Variants in CMTR1 observed in about 807,000 individuals in gnomAD.
The protein encoded by CMTR1 is cap methyltransferase 1.
In CMTR1, 39 loss-of-function variants were observed where a neutral mutation model predicts 107.0. The ratio of observed to expected loss-of-function variants is 0.36; its 90% CI spans 0.28 to 0.48. The LOEUF is 0.48. Among genes scored for constraint, CMTR1 ranks in the 20% least tolerant of loss-of-function variants. The pLI, the probability that CMTR1 is intolerant of heterozygous loss-of-function variation, is 0.99. For missense variants in CMTR1, 672 were observed against 1,064.9 expected (o/e 0.63, Z 5.14); for synonymous variants, 366 against 379.5 (o/e 0.96, Z 0.41).
At chr6:37,469,022 G>A (rs1309938739) in intron 13 of CMTR1, among the ~76,000 whole-genome samples, 6 of 152,184 alleles carry the variant, frequency 3.9e-5, no homozygotes, top group Admixed American at 2.6e-4. Flanking sequence ...TGGCCAACAT[G>A]GCAAAACTCC....
chr6:37,451,281 A>G (rs1380189979), intron 5 of CMTR1, among the ~76,000 whole-genome samples: 1 of 152,164 alleles, frequency 6.6e-6, no homozygotes, highest in Non-Finnish European at 1.5e-5. Flanking sequence ...ACCTGAGACC[A>G]AAGAGATTGA....
intron 2 of CMTR1, among the ~76,000 whole-genome samples, chr6:37,439,535 C>T (rs926499654): frequency 6.6e-6 from 1 of 152,170 alleles, no homozygotes; most frequent in African/African-American, 2.4e-5. Context: ...GAAACACCAT[C>T]GCTTTCCTGT....
chr6:37,435,702 C>G lies in CMTR1; in HGVS notation c.73C>G (p.Leu25Val), dbSNP rs753829878. The G allele has an allele frequency of 2.6e-5, 41 of 1,604,026 alleles. No individual in the cohort carries two copies. The highest frequency in any genetic ancestry group is 3.2e-5 in the Non-Finnish European group (38 of 1,176,288). Reference sequence around the variant, plus strand: ...GAAAAAAAGAGTTGCAGAGCTTGCCCTGAGCCTCAGCTCCACGTCCGATGA... The same window carrying G: ...GAAAAAAAGAGTTGCAGAGCTTGCCGTGAGCCTCAGCTCCACGTCCGATGA... ...KQKKRVAELA[L>V]SLSSTSDDEP... Residue 25 changes from leucine (L) to valine (V), a missense_variant, in exon 2 of 24, where the codon CTG becomes GTG. Leu to Val is a conservative substitution (Grantham distance 32). Transcript: ENST00000373451.
rs1353471598 is a variant in CMTR1, at chr6:37,461,534, G to T, written c.1096-15G>T. The T allele has an allele frequency of 6.7e-7, 1 of 1,501,974 alleles. No individual in the cohort carries two copies. Among genetic ancestry groups the T allele is most frequent in the African/African-American group, 1.4e-5 (1 of 71,544 alleles). 93.0% of individuals were successfully genotyped at this position (1,501,974 alleles called of 1,614,324 possible). ...TTTTCTCTTTCCCACCCCATTCCTT[G>T]TGCTCTCATTTCAGGGTTTCTCGGT... is the stretch of plus-strand genomic sequence containing the variant. On this transcript the variant is annotated splice_polypyrimidine_tract_variant and intron_variant, in intron 10 of 23. Coordinates refer to ENST00000373451, the MANE Select transcript of CMTR1 (RefSeq NM_015050.3).
At chr6:37,435,334 G>A (rs536166137) in intron 1 of CMTR1, among the ~76,000 whole-genome samples, 59 of 152,300 alleles carry the variant, frequency 3.9e-4, no homozygotes, top group African/African-American at 1.4e-3. Context: ...ATCCCCCAGT[G>A]GCTTGTGGAG....
chr6:37,457,307 A>G (rs1404190316), intron 8 of CMTR1, among the ~76,000 whole-genome samples: 2 of 151,778 alleles, frequency 1.3e-5, no homozygotes, highest in Non-Finnish European at 2.9e-5. Flanking sequence ...TCAAATGATG[A>G]TTAGTCAGTC....
intron 13 of CMTR1, among the ~76,000 whole-genome samples, chr6:37,467,569 TTAAC>T (rs765303017): frequency 5.3e-5 from 8 of 152,344 alleles, no homozygotes; most frequent in East Asian, 3.8e-4. Flanking sequence ...GTTAAAGTCT[TTAAC>T]TATGATTATT....
chr6:37,465,443 G>A (rs1191871012), intron 13 of CMTR1, among the ~76,000 whole-genome samples: 1 of 152,096 alleles, frequency 6.6e-6, no homozygotes, highest in East Asian at 1.9e-4. Flanking sequence ...GTTTCAATAT[G>A]TATTTCTGTG....
In CMTR1 at chr6:37,480,179, C is replaced by G; in HGVS notation, c.*34C>G. 1 of 1,595,010 alleles carries G rather than the reference C, an allele frequency of 6.3e-7. No homozygotes were observed. The highest frequency in any genetic ancestry group is 8.5e-7 in the Non-Finnish European group (1 of 1,172,334). ...GAATGTGCCACCCCTGCAGAATGCC[C>G]TGTCATTCCTGAGATGGGGCCACCT... is the stretch of plus-strand genomic sequence containing the variant. On this transcript the variant is annotated 3_prime_UTR_variant, in exon 24 of 24. Coordinates refer to ENST00000373451, the MANE Select transcript of CMTR1 (RefSeq NM_015050.3).
rs142246031 is a variant in CMTR1 at position 37,478,409 on chromosome 6, G to T, written c.2154G>T (p.Arg718Ser). Residue 718 changes from arginine to serine, a missense_variant and splice_region_variant, in exon 22 of 24, where the codon AGG (arginine) becomes AGT (serine). Arg to Ser is a moderately radical substitution (Grantham distance 110, BLOSUM62 -1). This residue lies in a region of CMTR1 where 583 missense variants were observed against 968.4 expected (regional missense o/e 0.60). Coordinates refer to ENST00000373451, the MANE Select transcript of CMTR1 (RefSeq NM_015050.3). ...RLEEMEKIFV[R>S]LEMKIIKGSS... ...GCACGTACCTTCTCGGGGAAATCAG[G>T]TTGGAGATGAAGATCATCAAGGGCT... 1.2e-6 allele frequency: 2 copies of T among 1,613,162 alleles called. No individual in the cohort carries two copies. Among genetic ancestry groups the T allele is most frequent in the Non-Finnish European group, 1.7e-6 (2 of 1,179,144 alleles).
the CMTR1 span, among the ~76,000 whole-genome samples, chr6:37,426,870 T>G: frequency 6.6e-6 from 1 of 152,118 alleles, no homozygotes; most frequent in South Asian, 2.1e-4. Context: ...CCTTTAAATC[T>G]CCAGGAGTCA....
the CMTR1 span, among the ~76,000 whole-genome samples, chr6:37,428,011 A>AG: frequency 3.0e-5 from 1 of 32,862 alleles, no homozygotes; most frequent in African/African-American, 1.7e-4. Context: ...ACAGAGACAG[A>AG]GAGAGAGAGA....
rs1159615360 is a variant in CMTR1, at chr6:37,435,717, A to G, written c.88A>G (p.Thr30Ala). The G allele has an allele frequency of 2.5e-6, 4 of 1,602,704 alleles. No homozygotes were observed. The highest frequency in any genetic ancestry group is 3.4e-6 in the Non-Finnish European group (4 of 1,175,786). ...VAELALSLSS[T>A]SDDEPPSSVS... ...AGAGCTTGCCCTGAGCCTCAGCTCC[A>G]CGTCCGATGATGAACCTCCCTCCTC... Residue 30 changes from threonine (T) to alanine (A), a missense_variant, in exon 2 of 24, where the codon ACG becomes GCG. By Grantham distance (58) the Thr-to-Ala change is moderately conservative. This residue lies in a region of CMTR1 where 89 missense variants were observed against 96.6 expected (regional missense o/e 0.92). Transcript: ENST00000373451.
the CMTR1 span, among the ~76,000 whole-genome samples, chr6:37,426,323 A>G: frequency 1.3e-5 from 2 of 152,028 alleles, no homozygotes; most frequent in Non-Finnish European, 2.9e-5. Flanking sequence ...TGAATGTGAC[A>G]CACTTTTCTG....
chr6:37,475,382 C>T lies in CMTR1; in HGVS notation c.2006C>T (p.Thr669Ile), dbSNP rs374003622. Residue 669 changes from threonine (T) to isoleucine (I), a missense_variant, in exon 19 of 24, where the codon ACC becomes ATC. Physicochemically the swap from Thr to Ile is moderately conservative, Grantham distance 89. This residue lies in a region of CMTR1 where 583 missense variants were observed against 968.4 expected (regional missense o/e 0.60). Transcript: ENST00000373451. ...HILDVLVLNGTDVREQHFNQR... is the reference protein window; with the variant it reads ...HILDVLVLNGIDVREQHFNQR... ...CTCGATGTCCTTGTGCTGAATGGCA[C>T]CGACGTTCGGGAGCAGCACTTTAAC... 1.2e-6 allele frequency: 2 copies of T among 1,613,920 alleles called. No individual in the cohort carries two copies. The highest frequency in any genetic ancestry group is 1.7e-6 in the Non-Finnish European group (2 of 1,179,990).
rs1327218334 is a variant in CMTR1, at chr6:37,458,784, C to G, written c.950C>G (p.Ser317Cys). 3 of 1,613,988 alleles carry G rather than the reference C, an allele frequency of 1.9e-6. No homozygotes were observed. The highest frequency in any genetic ancestry group is 3.3e-5 in the Admixed American group (2 of 60,006). Residue 317 changes from serine to cysteine, a missense_variant, in exon 9 of 24, where the codon TCC (serine) becomes TGC (cysteine). By Grantham distance (112) the Ser-to-Cys change is moderately radical. This residue lies in a region of CMTR1 where 583 missense variants were observed against 968.4 expected (regional missense o/e 0.60). Coordinates refer to ENST00000373451, the MANE Select transcript of CMTR1 (RefSeq NM_015050.3). The surrounding 1 kb of genome is among the most constrained non-coding windows in gnomAD (Gnocchi z 4.7). Reference sequence around the variant, plus strand: ...AAGCTGGAGGACTTCTACTCTGCTTCCAGTGAACTCTTCGAACCCTACTAT... The same window carrying G: ...AAGCTGGAGGACTTCTACTCTGCTTGCAGTGAACTCTTCGAACCCTACTAT... Reference protein sequence around the residue: ...DFKLEDFYSASSELFEPYYGE... With the variant: ...DFKLEDFYSACSELFEPYYGE...
intron 18 of CMTR1, 83 bp downstream of exon 18, chr6:37,474,729 A>G (rs1761703005): frequency 6.4e-7 from 1 of 1,571,218 alleles, no homozygotes; most frequent in African/African-American, 1.4e-5. Context: ...CCCTGAGTTA[A>G]CTTGGTTACA....
In CMTR1 at chr6:37,481,371, G is replaced by A. The variant is rs1761854337; in HGVS notation, c.*1226G>A. On this transcript the variant is annotated 3_prime_UTR_variant, in exon 24 of 24. Transcript: ENST00000373451. ...TGAGGTTGGAATCGACTTCACCATG[G>A]GGGTCCTTCAGCCAGCATCCAGCTC... 1.7e-6 allele frequency: 2 copies of A among 1,188,816 alleles called. No individual in the cohort carries two copies. Among genetic ancestry groups the A allele is most frequent in the Non-Finnish European group, 2.1e-6 (2 of 943,076 alleles). 73.6% of individuals were successfully genotyped at this position (1,188,816 alleles called of 1,614,324 possible). A position where few individuals can be genotyped will look rare whatever the true frequency, so the allele number is the denominator to read the frequency against.
intron 10 of CMTR1, among the ~76,000 whole-genome samples, chr6:37,460,773 A>G (rs557842113): frequency 2.0e-5 from 3 of 152,294 alleles, no homozygotes; most frequent in Non-Finnish European, 2.9e-5. Flanking sequence ...TGTTAAGTCT[A>G]TTCACACTGT....
Sources: gnomAD v4.1 joint callset for allele counts (sites outside exome capture counted in the v4.1 genomes callset) on GRCh38, gnomAD v4.1.1 for gene constraint, gnomAD v4.1.1 regional missense constraint, Gnocchi (gnomAD v3.1) non-coding constraint, MANE v1.5 for transcripts, NCBI Gene and HGNC (gene_info 2026-07-23, HGNC 2026-07-21) for gene names.